DOC2B: variants seen among roughly 807,000 people sequenced by gnomAD.
DOC2B encodes the protein double C2 domain beta, also known as double C2-like domain-containing protein beta.
In DOC2B, 21 loss-of-function variants were observed where a neutral mutation model predicts 28.9. The observed-to-expected ratio is 0.73, with a 90% CI of 0.52 to 1.05. The LOEUF (loss-of-function observed/expected upper bound fraction) is 1.05, where lower values mean the gene tolerates loss of function less well. Among genes scored for constraint, DOC2B ranks in the 50% least tolerant of loss-of-function variants. The pLI, the probability that DOC2B is intolerant of heterozygous loss-of-function variation, is 0.00. For synonymous variants in DOC2B, 194 were observed against 178.1 expected, an observed-to-expected ratio of 1.09 and a Z score of -0.71; for missense variants, 384 against 421.1, an observed-to-expected ratio of 0.91 and a Z score of 0.77.
chr17:165,064 G>A (rs2040246583), intron 2 of DOC2B, among the ~76,000 whole-genome samples: 1 of 152,144 alleles, frequency 6.6e-6, no homozygotes, highest in Non-Finnish European at 1.5e-5. Flanking sequence ...TCTGGGGGAT[G>A]CGGCAGGGGC....
At chr17:172,477 A>T in intron 2 of DOC2B, 60 bp downstream of exon 2, 1 of 1,435,610 alleles carries the variant, frequency 7.0e-7, no homozygotes, top group Non-Finnish European at 9.6e-7. Context: ...GGCCTCCCTG[A>T]CCTAGGCCCT....
At chr17:172,297 T>A (rs1196609330) in intron 2 of DOC2B, among the ~76,000 whole-genome samples, 1 of 151,300 alleles carries the variant, frequency 6.6e-6, no homozygotes, top group Non-Finnish European at 1.5e-5. Context: ...CAGGCCTTCA[T>A]CTTCCCATTC....
chr17:179,179 C>G (rs954897599), intron 1 of DOC2B, among the ~76,000 whole-genome samples: 1 of 152,186 alleles, frequency 6.6e-6, no homozygotes, highest in Non-Finnish European at 1.5e-5. Context: ...GTGGCCAGCC[C>G]ACAGTTCAAG....
intron 6 of DOC2B, among the ~76,000 whole-genome samples, chr17:154,057 G>A (rs2040103479): frequency 6.6e-6 from 1 of 152,166 alleles, no homozygotes; most frequent in Admixed American, 6.5e-5. Context: ...GTCTGTGTCT[G>A]GCTTCTCTCG....
chr17:172,709 G>T, intron 1 of DOC2B, 93 bp from the exon 2 acceptor site: 1 of 1,054,676 alleles, frequency 9.5e-7, no homozygotes, highest in Non-Finnish European at 1.3e-6. Flanking sequence ...GGCCTGGGCA[G>T]GTGCCACCGT....
chr17:149,548 G>C (rs1331305322), intron 6 of DOC2B, among the ~76,000 whole-genome samples: 6 of 151,966 alleles, frequency 3.9e-5, no homozygotes, highest in African/African-American at 1.4e-4. Context: ...TTGGTCTCTT[G>C]TTCAAACTTC....
intron 6 of DOC2B, among the ~76,000 whole-genome samples, chr17:154,976 G>A (rs962910741): frequency 6.6e-6 from 1 of 152,072 alleles, no homozygotes; most frequent in East Asian, 1.9e-4. Flanking sequence ...TGATCCGTGC[G>A]CCTCGGCCTC....
At chr17:158,125 G>T (rs1192469933) in intron 5 of DOC2B, among the ~76,000 whole-genome samples, 2 of 152,272 alleles carry the variant, frequency 1.3e-5, no homozygotes, top group Non-Finnish European at 1.5e-5. Context: ...GCCAGTGCCT[G>T]CCTCTCAAGG....
chr17:154,342 C>T (rs1447684185), intron 6 of DOC2B, among the ~76,000 whole-genome samples: 1 of 151,178 alleles, frequency 6.6e-6, no homozygotes, highest in Non-Finnish European at 1.5e-5. Context: ...ACCTGCTACA[C>T]TCCTTCTTAG....
At chr17:157,664 G>C (rs956782063) in intron 5 of DOC2B, among the ~76,000 whole-genome samples, 7 of 152,076 alleles carry the variant, frequency 4.6e-5, no homozygotes, top group Non-Finnish European at 1.0e-4. Context: ...GGCTGGTCTC[G>C]AATTCCTGAC....
chr17:161,777 C>G (rs998795447), intron 4 of DOC2B, among the ~76,000 whole-genome samples: 2 of 152,200 alleles, frequency 1.3e-5, no homozygotes, highest in African/African-American at 4.8e-5. Flanking sequence ...GAAGGCAGAA[C>G]CAGTGCCAGG....
chr17:172,726 G>C, intron 1 of DOC2B, 110 bp from the exon 2 acceptor site: 1 of 864,276 alleles, frequency 1.2e-6, no homozygotes, highest in Non-Finnish European at 1.7e-6. Flanking sequence ...CCGTTCCATG[G>C]CGGCTGCCAC....
intron 3 of DOC2B, among the ~76,000 whole-genome samples, 196 bp from the exon 4 acceptor site, chr17:162,386 G>A (rs1359764751): frequency 6.6e-6 from 1 of 152,140 alleles, no homozygotes; most frequent in African/African-American, 2.4e-5. Flanking sequence ...AGATTGTTGG[G>A]TGGCCCAATG....
In DOC2B at chr17:181,556, C is replaced by G; in HGVS notation, c.-77G>C. ...CCCGGGGGCGGCTCAGCAGGCCCGG[C>G]GGGGCGCGGCGGGGGCTGCGGGCAT... On this transcript the variant is annotated 5_prime_UTR_variant, in exon 1 of 9. Transcript: ENST00000613549. This position sits in a 1 kb window ranked among gnomAD's most constrained non-coding sequence, Gnocchi z 7.0. The G allele has an allele frequency of 1.4e-6, 1 of 737,930 alleles. No homozygotes were observed. Among genetic ancestry groups the G allele is most frequent in the Non-Finnish European group, 1.6e-6 (1 of 607,638 alleles). 45.7% of individuals were successfully genotyped at this position (737,930 alleles called of 1,614,324 possible).
intron 4 of DOC2B, 120 bp from the exon 5 acceptor site, chr17:161,661 G>A: frequency 6.8e-7 from 1 of 1,477,588 alleles, no homozygotes; most frequent in East Asian, 2.5e-5. Context: ...CTGGTCTGGG[G>A]TGGGAGACGC....
At chr17:175,757 AGC>A (rs1380030492) in intron 1 of DOC2B, among the ~76,000 whole-genome samples, 2 of 152,216 alleles carry the variant, frequency 1.3e-5, no homozygotes, top group Non-Finnish European at 2.9e-5. Flanking sequence ...CAGAAGACAG[AGC>A]GGCTGCCTGC....
At chr17:175,208 C>G (rs569721658) in intron 1 of DOC2B, among the ~76,000 whole-genome samples, 32 of 152,348 alleles carry the variant, frequency 2.1e-4, no homozygotes, top group African/African-American at 7.5e-4. Context: ...CTGCATCCAA[C>G]CTAGGCGACA....
intron 6 of DOC2B, among the ~76,000 whole-genome samples, chr17:155,380 A>C (rs1489127929): frequency 6.6e-6 from 1 of 152,110 alleles, no homozygotes; most frequent in African/African-American, 2.4e-5. Context: ...TGGCCTCTTC[A>C]TGGTGCCAAG....
At chr17:162,778 G>A (rs1422265161) in intron 3 of DOC2B, among the ~76,000 whole-genome samples, 2 of 152,244 alleles carry the variant, frequency 1.3e-5, no homozygotes, top group Admixed American at 1.3e-4. Flanking sequence ...GGTAGGTTCT[G>A]CAGGAGGCCT....
Sources: allele counts gnomAD v4.1 joint callset (sites outside exome capture counted in the v4.1 genomes callset), GRCh38; gene constraint gnomAD v4.1.1; non-coding constraint Gnocchi (gnomAD v3.1); transcripts MANE v1.5; gene names NCBI Gene and HGNC (gene_info 2026-07-23, HGNC 2026-07-21).